Variants in TNFRSF11A observed in about 807,000 individuals in gnomAD.
TNFRSF11A encodes the protein tumor necrosis factor receptor superfamily member 11A.
Under a neutral mutation model 55.7 loss-of-function variants are expected in TNFRSF11A, and 32 were observed. That is an observed-to-expected ratio of 0.57 (90% CI 0.43 to 0.77). The LOEUF is 0.77. Ranked by LOEUF, TNFRSF11A falls within the 30% of genes least tolerant of loss-of-function variation. The pLI is 0.00. For missense variants in TNFRSF11A, 753 were observed against 809.8 expected (o/e 0.93, Z 0.85); for synonymous variants, 311 against 331.0 (o/e 0.94, Z 0.65).
intron 7 of TNFRSF11A, among the ~76,000 whole-genome samples, chr18:62,365,261 C>T (rs960758742): frequency 2.0e-5 from 3 of 152,070 alleles, no homozygotes; most frequent in African/African-American, 7.2e-5. Flanking sequence ...CGGGTCCAGC[C>T]CTAACTTTAG....
chr18:62,346,965 T>C (rs985881599), intron 1 of TNFRSF11A, among the ~76,000 whole-genome samples: 6 of 152,326 alleles, frequency 3.9e-5, no homozygotes, highest in African/African-American at 7.2e-5. Flanking sequence ...CTGCTCATAT[T>C]GTCCAAAGTC....
intron 9 of TNFRSF11A, among the ~76,000 whole-genome samples, chr18:62,377,443 C>A (rs1311887381): frequency 1.3e-5 from 2 of 152,128 alleles, no homozygotes; most frequent in East Asian, 1.9e-4. Context: ...ACTGTATGTT[C>A]AGTTTTGTAA....
Position 62,344,424 on chromosome 18 carries a change from G to C in TNFRSF11A, c.76-3744G>C, listed in dbSNP as rs989796342. ...TTCCTTGCTGCATCTTAGGGAAAAA[G>C]AGGCAACTGTAAGTGGCTGACAAAA... is the stretch of plus-strand genomic sequence containing the variant. On this transcript the variant is annotated intron_variant, in intron 1 of 9. Coordinates refer to ENST00000586569, the MANE Select transcript of TNFRSF11A (RefSeq NM_003839.4). Among the ~76,000 whole-genome samples the C allele has an allele frequency of 2.0e-5, 3 of 152,220 alleles. No homozygotes were observed. In the East Asian group the frequency reaches 5.8e-4, roughly 29 times the overall value.
Position 62,368,705 on chromosome 18 carries a change from C to A in TNFRSF11A, c.788C>A (p.Ser263Tyr). The change falls in exon 9 of 10, where the codon TCC becomes TAC. Residue 263 changes from serine (S) to tyrosine (Y), a missense_variant. By Grantham distance (144) the Ser-to-Tyr change is moderately radical. This residue lies in a region of TNFRSF11A where 567 missense variants were observed against 596.7 expected (regional missense o/e 0.95). Coordinates refer to ENST00000586569, the MANE Select transcript of TNFRSF11A (RefSeq NM_003839.4). The part of the protein sequence containing the change: ...ACGRLSGDKE[S>Y]SGDSCVSTHT... Reference sequence around the variant, plus strand: ...CTTCTGAATGTAAATCGGCAGGAGTCCTCAGGTGACAGTTGTGTCAGTACA... The same window carrying A: ...CTTCTGAATGTAAATCGGCAGGAGTACTCAGGTGACAGTTGTGTCAGTACA... 1.2e-6 allele frequency: 2 copies of A among 1,614,192 alleles called. No homozygotes were observed. The highest frequency in any genetic ancestry group is 1.1e-5 in the South Asian group (1 of 91,078).
In TNFRSF11A at chr18:62,385,148, C is replaced by A; in HGVS notation, c.*114C>A. 8.2e-7 allele frequency: 1 copy of A among 1,214,284 alleles called. No individual in the cohort carries two copies. Among genetic ancestry groups the A allele is most frequent in the Non-Finnish European group, 1.1e-6 (1 of 937,708 alleles). The allele number at this position is 1,214,284 out of a possible 1,614,324, so 75.2% of individuals were successfully genotyped here. The stretch of plus-strand genomic sequence containing the variant: ...GATCGATCGGTACAGTCGAGGAAGA[C>A]CACCCGGCATTCTCTGCCCACTTTG... On this transcript the variant is annotated 3_prime_UTR_variant, in exon 10 of 10. Coordinates refer to ENST00000586569, the MANE Select transcript of TNFRSF11A (RefSeq NM_003839.4).
intron 7 of TNFRSF11A, among the ~76,000 whole-genome samples, chr18:62,362,653 T>A (rs1483290148): frequency 6.6e-6 from 1 of 152,156 alleles, no homozygotes; most frequent in East Asian, 1.9e-4. Flanking sequence ...TCACGTCATG[T>A]TTAACTTGTA....
chr18:62,332,481 C>T lies in TNFRSF11A; in HGVS notation c.75+7054C>T, dbSNP rs566871789. Among the ~76,000 whole-genome samples the T allele has an allele frequency of 1.3e-4, 20 of 152,334 alleles. No homozygotes were observed. The South Asian group carries it at 4.1e-3, about 32-fold the overall frequency. On this transcript the variant is annotated intron_variant, in intron 1 of 9. Transcript: ENST00000586569. ...TTTAAAGCTTAGTCGAGATTATTCA[C>T]TTCTGCCCTTGCTAACCCGTTTCCT...
chr18:62,360,774 C>T (rs1315134191), intron 6 of TNFRSF11A, among the ~76,000 whole-genome samples: 1 of 152,090 alleles, frequency 6.6e-6, no homozygotes, highest in African/African-American at 2.4e-5. Flanking sequence ...AGTAGAGTTT[C>T]AGATTGCCAG....
chr18:62,345,405 A>G (rs1477457847), intron 1 of TNFRSF11A, among the ~76,000 whole-genome samples: 1 of 152,220 alleles, frequency 6.6e-6, no homozygotes, highest in African/African-American at 2.4e-5. Context: ...GTATATTGCC[A>G]TGTTGAAGGT....
chr18:62,369,666 A>AC (rs1297160586), intron 9 of TNFRSF11A, among the ~76,000 whole-genome samples, 182 bp downstream of exon 9: 1 of 152,234 alleles, frequency 6.6e-6, no homozygotes, highest in African/African-American at 2.4e-5. Flanking sequence ...TTGGTTATAC[A>AC]CTGCGCCCAG....
intron 4 of TNFRSF11A, among the ~76,000 whole-genome samples, chr18:62,355,359 C>A (rs1161759144): frequency 3.3e-5 from 5 of 152,128 alleles, no homozygotes; most frequent in East Asian, 1.9e-4. Context: ...CTCACCGCAA[C>A]CTCTGCCTCC....
In TNFRSF11A at chr18:62,362,490, CAAA is replaced by C. The variant is rs57219485; in HGVS notation, c.730+718_730+720del. ...GGACAACAAGAGCAAAACTTCATCT[CAAA>C]AAAAAAAAAAAAAAAAAAAAGAACC... On this transcript the variant is annotated intron_variant, in intron 7 of 9. Coordinates refer to ENST00000586569, the MANE Select transcript of TNFRSF11A (RefSeq NM_003839.4). 2.3e-3 allele frequency among the ~76,000 whole-genome samples: 178 copies of C among 75,900 alleles called. 1 individual carries two copies. The highest frequency in any genetic ancestry group is 0.014 in the Middle Eastern group (2 of 138). 49.8% of individuals were successfully genotyped at this position (75,900 alleles called of 152,430 possible). A position where few individuals can be genotyped will look rare whatever the true frequency, so the allele number is the denominator to read the frequency against.
intron 3 of TNFRSF11A, among the ~76,000 whole-genome samples, chr18:62,351,770 TA>T: frequency 6.6e-6 from 1 of 152,346 alleles, no homozygotes; most frequent in African/African-American, 2.4e-5. Flanking sequence ...TGAGGTGTTT[TA>T]GTTTCAGTCT....
At chr18:62,339,866 G>A (rs2046287044) in intron 1 of TNFRSF11A, among the ~76,000 whole-genome samples, 2 of 152,312 alleles carry the variant, frequency 1.3e-5, no homozygotes, top group South Asian at 4.2e-4. Flanking sequence ...GCGGGGAACA[G>A]TATGTGTGTG....
intron 9 of TNFRSF11A, among the ~76,000 whole-genome samples, chr18:62,381,093 C>T (rs1266906580): frequency 5.3e-5 from 8 of 152,154 alleles, no homozygotes; most frequent in Admixed American, 4.6e-4. Flanking sequence ...TGTCAGCCAC[C>T]GCGCTTAGTT....
In TNFRSF11A at chr18:62,384,904, C is replaced by A. The variant is rs747875327; in HGVS notation, c.1721C>A (p.Thr574Asn). 3 of 1,571,802 alleles carry A rather than the reference C, an allele frequency of 1.9e-6. No individual in the cohort carries two copies. Among genetic ancestry groups the A allele is most frequent in the East Asian group, 4.6e-5 (2 of 43,040 alleles). ...EPMGRPVQEE[T>N]LARRDSFAGN... Reference sequence around the variant, plus strand: ...ATGGGCCGCCCGGTGCAGGAGGAGACCCTGGCGCGCCGAGACTCCTTCGCG... The same window carrying A: ...ATGGGCCGCCCGGTGCAGGAGGAGAACCTGGCGCGCCGAGACTCCTTCGCG... The change falls in exon 10 of 10, where the codon ACC becomes AAC. Residue 574 changes from threonine to asparagine, a missense_variant. By Grantham distance (65) the Thr-to-Asn change is moderately conservative. Coordinates refer to ENST00000586569, the MANE Select transcript of TNFRSF11A (RefSeq NM_003839.4).
intron 1 of TNFRSF11A, among the ~76,000 whole-genome samples, chr18:62,340,263 G>A (rs2046292904): frequency 6.6e-6 from 1 of 151,958 alleles, no homozygotes; most frequent in South Asian, 2.1e-4. Context: ...CTGTCACCCA[G>A]GCTGGAGTGC....
chr18:62,388,922 A>G lies in TNFRSF11A; in HGVS notation c.*3888A>G, dbSNP rs1911889180. On this transcript the variant is annotated 3_prime_UTR_variant, in exon 10 of 10. Transcript: ENST00000586569. ...AACAAACTCTTGTTACGATTATACA[A>G]GGGTGAGCTTGAGCAAAGGTGCTGT... The G allele has an allele frequency of 6.6e-6, 1 of 152,228 alleles. No individual in the cohort carries two copies. The highest frequency in any genetic ancestry group is 2.4e-5 in the African/African-American group (1 of 41,452). The allele number at this position is 152,228 out of a possible 1,614,324, so 9.4% of individuals were successfully genotyped here.
At chr18:62,370,435 C>T (rs1428336319) in intron 9 of TNFRSF11A, among the ~76,000 whole-genome samples, 1 of 152,218 alleles carries the variant, frequency 6.6e-6, no homozygotes, top group Non-Finnish European at 1.5e-5. Flanking sequence ...CCGCCCCTCT[C>T]CAGAGATGCT....
Sources: gnomAD v4.1 joint callset for allele counts (sites outside exome capture counted in the v4.1 genomes callset) on GRCh38, gnomAD v4.1.1 for gene constraint, gnomAD v4.1.1 regional missense constraint, MANE v1.5 for transcripts, NCBI Gene and HGNC (gene_info 2026-07-23, HGNC 2026-07-21) for gene names.